The following GPHN variants were observed in gnomAD, a reference collection of about 807,000 sequenced individuals.
GPHN encodes gephyrin.
A neutral mutation model predicts 95.5 loss-of-function variants in GPHN; 17 were observed. That is an observed-to-expected ratio of 0.18 (90% confidence interval 0.12 to 0.27). GPHN has a LOEUF of 0.27. Ranked by LOEUF, GPHN falls within the 10% of genes least tolerant of loss-of-function variation. GPHN has a pLI of 1.00. For synonymous variants in GPHN, 320 were observed against 322.5 expected, an observed-to-expected ratio of 0.99 and a Z score of 0.08; for missense variants, 660 against 978.1, an observed-to-expected ratio of 0.67 and a Z score of 4.34.
chr14:67,204,612 T>G, the GPHN span: 1 of 1,613,712 alleles, frequency 6.2e-7, no homozygotes, highest in Non-Finnish European at 8.5e-7. Context: ...AGCTGGTGAG[T>G]GGTCGAGCCT....
Position 66,603,844 on chromosome 14 carries a change from A to G in GPHN, c.65-77263A>G, listed in dbSNP as rs577369879. Among the ~76,000 whole-genome samples the G allele has an allele frequency of 3.2e-4, 30 of 94,752 alleles. No homozygotes were observed. In the African/African-American group the frequency reaches 4.4e-3, roughly 14 times the overall value. 62.2% of individuals were successfully genotyped at this position (94,752 alleles called of 152,430 possible). A position where few individuals can be genotyped will look rare whatever the true frequency, so the allele number is the denominator to read the frequency against. Reference sequence around the variant, plus strand: ...ATAATTCCTCAAATCTAAAAATTAGAAAGATGGAAACTGATATTTCTTCAC... The same window carrying G: ...ATAATTCCTCAAATCTAAAAATTAGGAAGATGGAAACTGATATTTCTTCAC... On this transcript the variant is annotated intron_variant, in intron 1 of 22. Coordinates refer to ENST00000478722, the MANE Select transcript of GPHN (RefSeq NM_020806.5).
the GPHN span, among the ~76,000 whole-genome samples, chr14:67,259,238 C>G: frequency 6.6e-6 from 1 of 151,732 alleles, no homozygotes; most frequent in African/African-American, 2.4e-5. Flanking sequence ...ACATGTATAC[C>G]CTGTTTCTGT....
chr14:66,916,634 C>T (rs1475470440), intron 6 of GPHN, among the ~76,000 whole-genome samples: 1 of 151,902 alleles, frequency 6.6e-6, no homozygotes, highest in Non-Finnish European at 1.5e-5. Flanking sequence ...AGAACTGACA[C>T]CATGTGGCCA....
the GPHN span, among the ~76,000 whole-genome samples, chr14:67,300,712 T>G: frequency 6.6e-6 from 1 of 152,094 alleles, no homozygotes; most frequent in Non-Finnish European, 1.5e-5. Context: ...CTAAAAAAAT[T>G]TATAACCAAG....
the GPHN span, chr14:67,674,831 G>A: frequency 5.1e-6 from 1 of 194,328 alleles, no homozygotes; most frequent in African/African-American, 2.3e-5. Context: ...CAGCGAAAGG[G>A]GCCTAGGGGA....
At chr14:66,786,584 G>T (rs558304920) in intron 3 of GPHN, among the ~76,000 whole-genome samples, 342 of 152,084 alleles carry the variant, frequency 2.2e-3, no homozygotes, top group African/African-American at 7.7e-3. Context: ...TGCAAAGAAA[G>T]AAAATGGAAA....
At chr14:67,121,412 T>G (rs1338158130) in intron 16 of GPHN, among the ~76,000 whole-genome samples, 1 of 152,178 alleles carries the variant, frequency 6.6e-6, no homozygotes, top group Non-Finnish European at 1.5e-5. Context: ...GAATCACATT[T>G]ATTGTACATT....
the GPHN span, among the ~76,000 whole-genome samples, chr14:67,191,168 AG>A: frequency 6.6e-6 from 1 of 152,216 alleles, no homozygotes. Context: ...CAGGAGGTAG[AG>A]GTTGCAGTGA....
At chr14:67,345,205 G>A in the GPHN span, among the ~76,000 whole-genome samples, 1 of 152,090 alleles carries the variant, frequency 6.6e-6, no homozygotes, top group Admixed American at 6.5e-5. Context: ...TTATGCCACT[G>A]CACTCCAGCC....
intron 2 of GPHN, among the ~76,000 whole-genome samples, chr14:66,764,380 C>T (rs1265257714): frequency 6.6e-6 from 1 of 151,808 alleles, no homozygotes; most frequent in Non-Finnish European, 1.5e-5. Flanking sequence ...GAGGACTGTA[C>T]CAAGTACTGT....
chr14:67,369,786 A>C, the GPHN span, among the ~76,000 whole-genome samples: 1 of 152,224 alleles, frequency 6.6e-6, no homozygotes, highest in Admixed American at 6.5e-5. Context: ...GATCTAAAAC[A>C]GTTATCTAGG....
chr14:66,895,071 C>T (rs1045740763), intron 5 of GPHN, among the ~76,000 whole-genome samples: 38 of 152,206 alleles, frequency 2.5e-4, no homozygotes, highest in South Asian at 4.1e-4. Flanking sequence ...ATGTTTATTG[C>T]GGCACTATTC....
chr14:67,632,445 C>T, the GPHN span, among the ~76,000 whole-genome samples: 3 of 152,174 alleles, frequency 2.0e-5, no homozygotes, highest in African/African-American at 4.8e-5. Flanking sequence ...CCTTTGATCA[C>T]ACACAGTGTA....
chr14:67,186,921 C>T, the GPHN span, among the ~76,000 whole-genome samples: 7,744 of 152,194 alleles, frequency 0.051, 214 homozygotes, highest in Middle Eastern at 0.068. Flanking sequence ...TAAACAGGTG[C>T]GTCTGAGCTG....
the GPHN span, among the ~76,000 whole-genome samples, chr14:67,253,868 C>G: frequency 8.0e-5 from 12 of 150,338 alleles, no homozygotes; most frequent in South Asian, 2.5e-3. Context: ...GACATCATTT[C>G]CAGAGTTCAG....
chr14:67,306,484 C>G, the GPHN span, among the ~76,000 whole-genome samples: 2 of 151,698 alleles, frequency 1.3e-5, no homozygotes, highest in African/African-American at 4.9e-5. Flanking sequence ...GCTGGGATTA[C>G]AGGCGCCCGC....
At chr14:66,969,821 A>G (rs1310680975) in intron 9 of GPHN, 2 of 151,328 alleles carry the variant, frequency 1.3e-5, no homozygotes, top group Non-Finnish European at 3.0e-5. Context: ...AAAAAAAAAG[A>G]AAGAAAGGAA....
chr14:67,661,070 G>C, the GPHN span, among the ~76,000 whole-genome samples: 2 of 152,018 alleles, frequency 1.3e-5, no homozygotes, highest in African/African-American at 4.8e-5. Context: ...GTGGGAAATT[G>C]AAACACTGAT....
chr14:67,528,659 T>C, the GPHN span, among the ~76,000 whole-genome samples: 1 of 152,164 alleles, frequency 6.6e-6, no homozygotes, highest in South Asian at 2.1e-4. Flanking sequence ...TCCCTCCCTC[T>C]CCTGTCCCTA....
Sources: allele counts gnomAD v4.1 joint callset (sites outside exome capture counted in the v4.1 genomes callset), GRCh38; gene constraint gnomAD v4.1.1; transcripts MANE v1.5; gene names NCBI Gene and HGNC (gene_info 2026-07-23, HGNC 2026-07-21).